TBC1D22A: variants seen among roughly 807,000 people sequenced by gnomAD.
The protein encoded by TBC1D22A is TBC1 domain family member 22A.
In TBC1D22A, 38 loss-of-function variants were observed where a neutral mutation model predicts 60.2. The ratio of observed to expected loss-of-function variants is 0.63; its 90% CI spans 0.49 to 0.83. TBC1D22A has a LOEUF of 0.83. TBC1D22A is among the 40% of genes least tolerant of loss of function. The pLI, the probability that TBC1D22A is intolerant of heterozygous loss-of-function variation, is 0.00. For synonymous variants in TBC1D22A, 302 were observed against 281.7 expected (o/e 1.07, Z -0.72); for missense variants, 628 against 701.0 (o/e 0.90, Z 1.18).
chr22:46,766,032 CTG>C, intron 1 of TBC1D22A, among the ~76,000 whole-genome samples: 1 of 148,494 alleles, frequency 6.7e-6, no homozygotes, highest in East Asian at 2.0e-4. Flanking sequence ...GAGTCTCACT[CTG>C]TTGTCCAGGC....
At chr22:46,927,062 CA>C (rs377102437) in intron 8 of TBC1D22A, among the ~76,000 whole-genome samples, 2 of 152,106 alleles carry the variant, frequency 1.3e-5, no homozygotes, top group African/African-American at 2.4e-5. Context: ...TAGACTCTTT[CA>C]AAAAATAGAA....
intron 4 of TBC1D22A, among the ~76,000 whole-genome samples, chr22:46,867,366 G>T (rs889107813): frequency 6.6e-6 from 1 of 152,210 alleles, no homozygotes; most frequent in Non-Finnish European, 1.5e-5. Context: ...GTTCAGTGAT[G>T]ATGATGAACC....
At chr22:46,814,161 G>C (rs2085495128) in intron 4 of TBC1D22A, among the ~76,000 whole-genome samples, 1 of 152,206 alleles carries the variant, frequency 6.6e-6, no homozygotes, top group African/African-American at 2.4e-5. Context: ...TAAAATTACA[G>C]ATGGTCAGTG....
chr22:47,028,720 A>G lies in TBC1D22A; in HGVS notation c.1202-8351A>G, dbSNP rs567145535. On this transcript the variant is annotated intron_variant, in intron 10 of 12. Coordinates refer to ENST00000337137, the MANE Select transcript of TBC1D22A (RefSeq NM_014346.5). The surrounding 1 kb of genome is among the most constrained non-coding windows in gnomAD (Gnocchi z 4.4). ...AGCAGTTGTGTGACACGACGTTGACATTAAATGAACGGTGGAGAAGTTATC... is the reference window on the plus strand; with the variant it reads ...AGCAGTTGTGTGACACGACGTTGACGTTAAATGAACGGTGGAGAAGTTATC... 6.6e-6 allele frequency among the ~76,000 whole-genome samples: 1 copy of G among 152,364 alleles called. No homozygotes were observed. The highest frequency in any genetic ancestry group is 2.1e-4 in the South Asian group (1 of 4,830).
intron 11 of TBC1D22A, among the ~76,000 whole-genome samples, chr22:47,060,419 T>G (rs1044065329): frequency 6.6e-6 from 1 of 151,590 alleles, no homozygotes; most frequent in Non-Finnish European, 1.5e-5. Context: ...TTCGTTGTTT[T>G]TTGTTGTTGT....
intron 12 of TBC1D22A, among the ~76,000 whole-genome samples, chr22:47,165,245 G>A (rs754067170): frequency 1.1e-4 from 16 of 152,086 alleles, no homozygotes; most frequent in Non-Finnish European, 1.6e-4. Flanking sequence ...TGCCTGTCTC[G>A]CTCCAGGGGG....
chr22:46,766,840 C>T (rs2083304311), intron 1 of TBC1D22A, among the ~76,000 whole-genome samples: 1 of 152,160 alleles, frequency 6.6e-6, no homozygotes, highest in Non-Finnish European at 1.5e-5. Flanking sequence ...CCGGCCCACA[C>T]CTCCTGTTTT....
rs893176078 is a variant in TBC1D22A at position 47,005,087 on chromosome 22, C to T, written c.1201+7378C>T. Among the ~76,000 whole-genome samples the T allele has an allele frequency of 4.6e-5, 7 of 151,712 alleles. No individual in the cohort carries two copies. In the South Asian group the frequency reaches 6.2e-4, roughly 14 times the overall value. On this transcript the variant is annotated intron_variant, in intron 10 of 12. Transcript: ENST00000337137. ...CTGCCACATACATATACATGCATGCCTGTATACATACACACCTTTGTATTC... is the reference window on the plus strand; with the variant it reads ...CTGCCACATACATATACATGCATGCTTGTATACATACACACCTTTGTATTC...
chr22:47,086,305 A>T (rs973191567), intron 11 of TBC1D22A, among the ~76,000 whole-genome samples: 1 of 152,094 alleles, frequency 6.6e-6, no homozygotes, highest in Non-Finnish European at 1.5e-5. Context: ...AAAACACAAA[A>T]TTAGCCGGGC....
chr22:46,902,290 T>C (rs1235564925), intron 7 of TBC1D22A, among the ~76,000 whole-genome samples: 1 of 152,250 alleles, frequency 6.6e-6, no homozygotes, highest in Non-Finnish European at 1.5e-5. Context: ...TGGTACCCAG[T>C]AGTAGCAACC....
chr22:47,098,510 C>T (rs2065274747), intron 11 of TBC1D22A, among the ~76,000 whole-genome samples: 1 of 152,224 alleles, frequency 6.6e-6, no homozygotes, highest in Non-Finnish European at 1.5e-5. Context: ...GCCATGCTCC[C>T]CAACCCCATG....
intron 11 of TBC1D22A, among the ~76,000 whole-genome samples, chr22:47,073,929 A>G (rs5769352): frequency 0.48 from 72,398 of 151,892 alleles, 18,047 homozygotes; most frequent in African/African-American, 0.6. Flanking sequence ...GGAGTTTGAG[A>G]CCAGCCTGGG....
intron 1 of TBC1D22A, chr22:46,774,345 C>T: frequency 1.3e-6 from 1 of 797,338 alleles, no homozygotes; most frequent in Non-Finnish European, 1.5e-6. Flanking sequence ...CATTTCTGGG[C>T]CCCGTGCTGT....
intron 4 of TBC1D22A, among the ~76,000 whole-genome samples, chr22:46,863,036 C>T (rs114149609): frequency 0.016 from 2,473 of 152,288 alleles, 66 homozygotes; most frequent in African/African-American, 0.057. Flanking sequence ...GCAGGGTAAG[C>T]GTGGCATGGC....
chr22:46,997,667 A>T lies in TBC1D22A; in HGVS notation c.1159A>T (p.Met387Leu), dbSNP rs1007529328. ...NYTFAQPGIQ[M>L]KVKMLEELVS... ...CACCTTTGCCCAACCTGGGATTCAA[A>T]TGAAAGTGAAAATGTTAGAAGAACT... is the stretch of plus-strand genomic sequence containing the variant. The change falls in exon 10 of 13, where the codon ATG becomes TTG. Residue 387 changes from methionine (M) to leucine (L), a missense_variant. By Grantham distance (15) the Met-to-Leu change is conservative (BLOSUM62 2). Transcript: ENST00000337137. The T allele has an allele frequency of 6.2e-7, 1 of 1,614,084 alleles. No individual in the cohort carries two copies. The highest frequency in any genetic ancestry group is 8.5e-7 in the Non-Finnish European group (1 of 1,180,010).
chr22:46,901,591 G>A (rs1320973878), intron 7 of TBC1D22A, among the ~76,000 whole-genome samples: 1 of 152,174 alleles, frequency 6.6e-6, no homozygotes, highest in Admixed American at 6.5e-5. Context: ...TAAACATATA[G>A]TCAGTAGTTT....
rs1569433160 is a variant in TBC1D22A, at chr22:47,088,080, A to AAT, written c.1330-23427_1330-23426insTA. Among the ~76,000 whole-genome samples, 13 of 121,422 alleles carry AAT rather than the reference A, an allele frequency of 1.1e-4. No homozygotes were observed. In the East Asian group the frequency reaches 1.7e-3, roughly 16 times the overall value. The allele number at this position is 121,422 out of a possible 152,430, so 79.7% of individuals were successfully genotyped here. On this transcript the variant is annotated intron_variant, in intron 11 of 12. Transcript: ENST00000337137. ...AGAGCAAGACTCCATCTCAAATAAA[A>AAT]AATAATAATAATAATAATAAATTTA...
chr22:46,861,539 C>T (rs1195390354), intron 4 of TBC1D22A, among the ~76,000 whole-genome samples: 1 of 152,164 alleles, frequency 6.6e-6, no homozygotes, highest in Non-Finnish European at 1.5e-5. Flanking sequence ...CCTGGCTTCT[C>T]TTGTGGTTCT....
chr22:46,913,399 C>T, intron 8 of TBC1D22A: 1 of 1,366,428 alleles, frequency 7.3e-7, no homozygotes. Flanking sequence ...TGAGCCTTAC[C>T]CGAGGACAGA....
Sources: gnomAD v4.1 joint callset for allele counts (sites outside exome capture counted in the v4.1 genomes callset) on GRCh38, gnomAD v4.1.1 for gene constraint, Gnocchi (gnomAD v3.1) non-coding constraint, MANE v1.5 for transcripts, NCBI Gene and HGNC (gene_info 2026-07-23, HGNC 2026-07-21) for gene names.